Variants in DUSP22 observed in about 807,000 individuals in gnomAD.
DUSP22 encodes dual specificity protein phosphatase 22.
A neutral mutation model predicts 24.5 loss-of-function variants in DUSP22; 24 were observed. The ratio of observed to expected loss-of-function variants is 0.98; its 90% CI spans 0.71 to 1.38. The LOEUF (loss-of-function observed/expected upper bound fraction) is 1.38, where lower values mean the gene tolerates loss of function less well. DUSP22 is among the 40% of genes most tolerant of loss of function. The pLI, the probability that DUSP22 is intolerant of heterozygous loss-of-function variation, is 0.00. For synonymous variants in DUSP22, 160 were observed against 106.4 expected (o/e 1.50, Z -3.10); for missense variants, 330 against 269.2 (o/e 1.23, Z -1.58).
chr6:320,749 C>T (rs1758548222), intron 3 of DUSP22, among the ~76,000 whole-genome samples: 2 of 152,296 alleles, frequency 1.3e-5, no homozygotes, highest in Admixed American at 1.3e-4. Flanking sequence ...AGGTTTAGTG[C>T]TTCAGGGCAG....
rs1372835013 is a variant in DUSP22 at position 317,603 on chromosome 6, GAC to G, written c.138+5644_138+5645del. ...GTTTGTACTCTCAGTTGGGCCATGA[GAC>G]ACGTGTGCACTGTCCCTGCTTCTGT... On this transcript the variant is annotated intron_variant, in intron 3 of 6. Transcript: ENST00000419235. Among the ~76,000 whole-genome samples, 25 of 152,416 alleles carry G rather than the reference GAC, an allele frequency of 1.6e-4. No individual in the cohort carries two copies. The East Asian group carries it at 4.0e-3, about 25-fold the overall frequency.
At chr6:311,847 A>T (rs1013795052) in intron 2 of DUSP22, 33 bp from the exon 3 acceptor site, 1 of 1,599,560 alleles carries the variant, frequency 6.3e-7, no homozygotes, top group African/African-American at 1.3e-5. Flanking sequence ...TTGCAAAGAT[A>T]TCAAAATGTC....
intron 6 of DUSP22, 147 bp from the exon 7 acceptor site, chr6:348,622 C>T (rs1760003441): frequency 2.1e-6 from 3 of 1,399,050 alleles, no homozygotes; most frequent in Non-Finnish European, 2.9e-6. Flanking sequence ...CCTGGCTGGC[C>T]AACCACAGAG....
intron 5 of DUSP22, 66 bp from the exon 6 acceptor site, chr6:348,037 T>G (rs1007381219): frequency 2.8e-5 from 44 of 1,597,362 alleles, no homozygotes; most frequent in Middle Eastern, 1.7e-4. Flanking sequence ...CCGCTCCACA[T>G]GGATTGGGCG....
intron 1 of DUSP22, among the ~76,000 whole-genome samples, chr6:294,130 A>G (rs1056082133): frequency 5.3e-5 from 8 of 152,286 alleles, no homozygotes; most frequent in African/African-American, 1.4e-4. Context: ...ATGGTTGCCT[A>G]AGGGATCAAC....
chr6:329,881 G>A (rs1020722841), intron 3 of DUSP22, among the ~76,000 whole-genome samples: 1 of 152,306 alleles, frequency 6.6e-6, no homozygotes, highest in African/African-American at 2.4e-5. Flanking sequence ...TTCTGATCAG[G>A]GGAGGAGTGG....
chr6:318,239 C>A (rs1758423103), intron 3 of DUSP22, among the ~76,000 whole-genome samples: 1 of 152,302 alleles, frequency 6.6e-6, no homozygotes, highest in African/African-American at 2.4e-5. Flanking sequence ...ACAAAGAGGA[C>A]CATGCATCCA....
Position 312,175 on chromosome 6 carries a change from G to A in DUSP22, c.138+213G>A, listed in dbSNP as rs1290447812. ...TGCTTTTTCTGATCACACTCCTGCT[G>A]CATTGCCACTTTGGCTTTCGTGGCT... On this transcript the variant is annotated intron_variant, in intron 3 of 6. Transcript: ENST00000419235. Among the ~76,000 whole-genome samples, 3 of 152,422 alleles carry A rather than the reference G, an allele frequency of 2.0e-5. No individual in the cohort carries two copies. The East Asian group carries it at 5.8e-4, about 29-fold the overall frequency.
At chr6:298,862 C>T (rs1561645538) in intron 1 of DUSP22, among the ~76,000 whole-genome samples, 1 of 152,288 alleles carries the variant, frequency 6.6e-6, no homozygotes, top group African/African-American at 2.4e-5. Flanking sequence ...CAGATGCACC[C>T]TCTGCTGCAA....
At chr6:318,810 C>T (rs55701621) in intron 3 of DUSP22, among the ~76,000 whole-genome samples, 2,100 of 151,762 alleles carry the variant, frequency 0.014, no homozygotes, top group Middle Eastern at 0.042. Context: ...CCCACATATT[C>T]AGCAGAAGGG....
intron 3 of DUSP22, among the ~76,000 whole-genome samples, chr6:312,703 G>C (rs545749238): frequency 6.6e-6 from 1 of 152,420 alleles, no homozygotes; most frequent in South Asian, 2.1e-4. Context: ...CTGAAAGAAA[G>C]AATCCTGGTT....
intron 3 of DUSP22, among the ~76,000 whole-genome samples, chr6:316,579 T>G (rs1329416352): frequency 6.6e-6 from 1 of 152,310 alleles, no homozygotes. Flanking sequence ...ATCAGAAACC[T>G]GATATTGTTT....
chr6:324,375 C>A lies in DUSP22; in HGVS notation c.139-10739C>A, dbSNP rs771321168. ...TCATCCTTAATCAGAGCAAGGAACACGCTCTCCCACCCACACCTGCTGCCG... is the reference window on the plus strand; with the variant it reads ...TCATCCTTAATCAGAGCAAGGAACAAGCTCTCCCACCCACACCTGCTGCCG... On this transcript the variant is annotated intron_variant, in intron 3 of 6. Transcript: ENST00000419235. 2.0e-5 allele frequency among the ~76,000 whole-genome samples: 3 copies of A among 152,306 alleles called. No homozygotes were observed. The East Asian group carries it at 5.8e-4, about 29-fold the overall frequency.
intron 2 of DUSP22, among the ~76,000 whole-genome samples, chr6:307,822 G>T (rs1757880486): frequency 6.6e-6 from 1 of 152,424 alleles, no homozygotes; most frequent in East Asian, 1.9e-4. Context: ...TTTTGTGCCT[G>T]CCAGTAAGAC....
intron 3 of DUSP22, among the ~76,000 whole-genome samples, chr6:332,651 T>TC (rs1474450513): frequency 6.6e-6 from 1 of 152,244 alleles, no homozygotes; most frequent in African/African-American, 2.4e-5. Context: ...CTTCTTTTTT[T>TC]TTTTTTTTCT....
At chr6:313,183 T>C (rs1758186882) in intron 3 of DUSP22, among the ~76,000 whole-genome samples, 1 of 152,306 alleles carries the variant, frequency 6.6e-6, no homozygotes, top group Non-Finnish European at 1.5e-5. Context: ...ATTGACTTCC[T>C]CTTAAATCAC....
chr6:348,329 C>T (rs1458366143), intron 6 of DUSP22, 55 bp downstream of exon 6: 2 of 1,606,778 alleles, frequency 1.2e-6, no homozygotes, highest in Non-Finnish European at 1.7e-6. Context: ...TGAACGGTGC[C>T]CACAGTCTTT....
At chr6:340,367 G>T (rs1392294643) in intron 4 of DUSP22, among the ~76,000 whole-genome samples, 1 of 152,306 alleles carries the variant, frequency 6.6e-6, no homozygotes, top group Non-Finnish European at 1.5e-5. Flanking sequence ...TTCACCATCA[G>T]CCTTCCAGCT....
chr6:317,388 G>A (rs796080637), intron 3 of DUSP22, among the ~76,000 whole-genome samples: 5 of 152,418 alleles, frequency 3.3e-5, no homozygotes, highest in African/African-American at 1.2e-4. Flanking sequence ...CAAGCCAGAA[G>A]CAAGATGATA....
Sources: allele counts gnomAD v4.1 joint callset (sites outside exome capture counted in the v4.1 genomes callset), GRCh38; gene constraint gnomAD v4.1.1; transcripts MANE v1.5; gene names NCBI Gene and HGNC (gene_info 2026-07-23, HGNC 2026-07-21).